The following MSH6 variants were observed in gnomAD, a reference collection of about 807,000 sequenced individuals.
MSH6 encodes mutS homolog 6.
MSH6 carries 85 observed loss-of-function variants against 119.1 expected under a neutral mutation model. The ratio of observed to expected loss-of-function variants is 0.71; its 90% CI spans 0.60 to 0.85. The LOEUF is 0.85. MSH6 is among the 40% of genes least tolerant of loss of function. MSH6 has a pLI of 0.00. For synonymous variants in MSH6, 830 were observed against 586.9 expected (o/e 1.41, Z -5.99); for missense variants, 2,163 against 1,655.3 (o/e 1.31, Z -5.32).
At chr2:47,808,275 G>T, downstream of MSH6, 1 of 1,612,562 alleles carries the variant, frequency 6.2e-7, no homozygotes, top group Non-Finnish European at 8.5e-7. Flanking sequence ...CCAAATATTA[G>T]AAAAGTGAGG....
At chr2:47,788,729 C>T (rs1668509010) in intron 1 of MSH6, among the ~76,000 whole-genome samples, 1 of 148,440 alleles carries the variant, frequency 6.7e-6, no homozygotes, top group African/African-American at 2.5e-5. Flanking sequence ...GCCACCATGC[C>T]CAGCTAATTT....
At chr2:47,805,748 A>AAAAC (rs772260043) in intron 7 of MSH6, 41 bp downstream of exon 7, 1 of 1,333,122 alleles carries the variant, frequency 7.5e-7, no homozygotes, top group Admixed American at 1.7e-5. Flanking sequence ...ATCTATCTTA[A>AAAAC]AAACATTTGT....
In MSH6 at chr2:47,806,850, A is replaced by G. The variant is rs1553334111; in HGVS notation, c.4073A>G (p.Lys1358Arg). 1 of 1,611,078 alleles carries G rather than the reference A, an allele frequency of 6.2e-7. No homozygotes were observed. The part of the protein sequence containing the change: ...EAVHKLLTLI[K>R]EL ...GTCCATAAATTGCTGACTTTGATTA[A>G]GGAATTATAGACTGACTACATTGGA... Residue 1358 changes from lysine (K) to arginine (R), a missense_variant, in exon 10 of 10, where the codon AAG becomes AGG. Physicochemically the swap from Lys to Arg is conservative, Grantham distance 26 (BLOSUM62 2). Coordinates refer to ENST00000234420, the MANE Select transcript of MSH6 (RefSeq NM_000179.3).
intron 1 of MSH6, 103 bp from the exon 2 acceptor site, chr2:47,790,824 A>C: frequency 9.7e-7 from 1 of 1,030,084 alleles, no homozygotes. Flanking sequence ...TCTGTGCTTC[A>C]ATATTAATGC....
downstream of MSH6, chr2:47,809,928 G>C (rs1391932019): frequency 3.8e-6 from 2 of 525,332 alleles, no homozygotes; most frequent in African/African-American, 3.9e-5. Context: ...CAACCTAACT[G>C]TCTTAAAGTT....
chr2:47,808,412 G>A, downstream of MSH6: 1 of 1,595,420 alleles, frequency 6.3e-7, no homozygotes, highest in East Asian at 2.2e-5. Flanking sequence ...GATCTGTGGT[G>A]TTACAAGTAT....
At chr2:47,804,321 A>G (rs1669813842) in intron 5 of MSH6, among the ~76,000 whole-genome samples, 1 of 152,162 alleles carries the variant, frequency 6.6e-6, no homozygotes, top group Admixed American at 6.5e-5. Flanking sequence ...TCTTCTCTTT[A>G]TAACCAGGGG....
intron 3 of MSH6, among the ~76,000 whole-genome samples, chr2:47,796,981 A>G (rs139004894): frequency 6.6e-6 from 1 of 152,234 alleles, no homozygotes; most frequent in African/African-American, 2.4e-5. Context: ...ACTGTCAACA[A>G]CAACAAAAAA....
intron 2 of MSH6, among the ~76,000 whole-genome samples, chr2:47,794,888 G>A (rs3136307): frequency 2.4e-4 from 36 of 151,804 alleles, no homozygotes; most frequent in African/African-American, 7.7e-4. Context: ...TCTGCCTCCC[G>A]GGTTCAAGTG....
In MSH6 at chr2:47,799,046, G is replaced by A. The variant is rs587778531; in HGVS notation, c.1063G>A (p.Gly355Ser). 4.7e-5 allele frequency: 76 copies of A among 1,614,080 alleles called. No homozygotes were observed. The East Asian group carries it at 1.1e-3, about 23-fold the overall frequency. The part of the protein sequence containing the change: ...NSESQAHVSG[G>S]GDDSSRPTVW... ...TGAATCCCAAGCCCACGTTAGTGGA[G>A]GTGGTGATGACAGTAGTCGCCCTAC... Residue 355 changes from glycine (G) to serine (S), a missense_variant, in exon 4 of 10, where the codon GGT becomes AGT. Transcript: ENST00000234420.
rs377411318 is a variant in MSH6 at position 47,800,426 on chromosome 2, C to A, written c.2443C>A (p.Leu815Ile). The part of the protein sequence containing the change: ...ISEVVELLKK[L>I]PDLERLLSKI... ...CGAAGTTGTAGAGCTTCTAAAGAAGCTTCCAGATCTTGAGAGGCTACTCAG... is the reference window on the plus strand; with the variant it reads ...CGAAGTTGTAGAGCTTCTAAAGAAGATTCCAGATCTTGAGAGGCTACTCAG... Residue 815 changes from leucine (L) to isoleucine (I), a missense_variant, in exon 4 of 10, where the codon CTT becomes ATT. Transcript: ENST00000234420. 4.3e-6 allele frequency: 7 copies of A among 1,614,068 alleles called. No individual in the cohort carries two copies. The highest frequency in any genetic ancestry group is 5.9e-6 in the Non-Finnish European group (7 of 1,180,034).
rs2104583736 is a variant in MSH6, at chr2:47,806,831, A to AAAT, written c.4055_4057dup (p.Lys1352_Leu1353insTer). 2 of 1,612,534 alleles carry AAAT rather than the reference A, an allele frequency of 1.2e-6. No individual in the cohort carries two copies. Among genetic ancestry groups the AAAT allele is most frequent in the Non-Finnish European group, 1.7e-6 (2 of 1,179,308 alleles). The stretch of plus-strand genomic sequence containing the variant: ...AACTGTAGATGCTGAAGCTGTCCAT[A>AAAT]AATTGCTGACTTTGATTAAGGAATT... On this transcript the variant is annotated stop_gained and inframe_insertion, in exon 10 of 10. Transcript: ENST00000234420. LOFTEE classifies it high-confidence loss of function.
chr2:47,809,586 A>T, downstream of MSH6: 1 of 1,565,920 alleles, frequency 6.4e-7, no homozygotes, highest in Non-Finnish European at 8.8e-7. Flanking sequence ...TAGGTATAGC[A>T]GACTCCAACA....
Position 47,800,738 on chromosome 2 carries a change from GA to G in MSH6, c.2759del (p.Lys920ArgfsTer25), listed in dbSNP as rs1114167794. On this transcript the variant is annotated frameshift_variant, in exon 4 of 10. Coordinates refer to ENST00000234420, the MANE Select transcript of MSH6 (RefSeq NM_000179.3). LOFTEE classifies it high-confidence loss of function. ...LNRWDTAFDHEKARKTGLITP... is the reference protein window; with the variant it reads ...LNRWDTAFDHXKARKTGLITP... ...CCGATGGGATACAGCCTTTGACCAT[GA>G]AAAGGCTCGAAAGACTGGACTTATT... 2.5e-6 allele frequency: 4 copies of G among 1,614,150 alleles called. No individual in the cohort carries two copies. In the South Asian group the frequency reaches 3.3e-5, roughly 13 times the overall value.
chr2:47,808,458 C>G (rs1411928396), downstream of MSH6: 3 of 1,534,950 alleles, frequency 2.0e-6, no homozygotes, highest in Non-Finnish European at 2.6e-6. Flanking sequence ...TTACTTTTCT[C>G]AAACATGTCA....
rs1460598011 is a variant in MSH6 at position 47,799,998 on chromosome 2, C to T, written c.2015C>T (p.Thr672Ile). Reference protein sequence around the residue: ...MTSESDSIGLTPGEKSELALS... With the variant: ...MTSESDSIGLIPGEKSELALS... ...TCAGAGTCTGATTCCATTGGGTTGA[C>T]ACCAGGAGAGAAAAGTGAATTGGCC... is the stretch of plus-strand genomic sequence containing the variant. The change falls in exon 4 of 10, where the codon ACA becomes ATA. Residue 672 changes from threonine to isoleucine, a missense_variant. Transcript: ENST00000234420. 6.8e-6 allele frequency: 11 copies of T among 1,614,014 alleles called. No individual in the cohort carries two copies. Among genetic ancestry groups the T allele is most frequent in the South Asian group, 1.1e-5 (1 of 91,064 alleles).
rs1057521349 is a variant in MSH6 at position 47,800,956 on chromosome 2, A to G, written c.2973A>G (p.Pro991=). ...IPENFTTRNL[P]EEYELKSTKK... ...AGAATTTCACCACTCGCAATTTGCC[A>G]GAAGAATACGAGTTGAAATCTACCA... The change falls in exon 4 of 10, where the codon CCA becomes CCG. Residue 991 remains proline (P), a synonymous_variant. Coordinates refer to ENST00000234420, the MANE Select transcript of MSH6 (RefSeq NM_000179.3). 5.7e-6 allele frequency: 9 copies of G among 1,567,208 alleles called. No individual in the cohort carries two copies. Among genetic ancestry groups the G allele is most frequent in the African/African-American group, 2.7e-5 (2 of 73,096 alleles).
Position 47,805,828 on chromosome 2 carries a change from A to G in MSH6, c.3646+121A>G, listed in dbSNP as rs1184692785. The G allele has an allele frequency of 3.6e-6, 3 of 832,862 alleles. No homozygotes were observed. The East Asian group carries it at 7.6e-5, about 21-fold the overall frequency. 51.6% of individuals were successfully genotyped at this position (832,862 alleles called of 1,614,324 possible). On this transcript the variant is annotated intron_variant, in intron 7 of 9. Transcript: ENST00000234420. ...CAATATGAATGTTTTTAGAGCACGCACTCACCATTGTGGCACAGACCGATA... is the reference window on the plus strand; with the variant it reads ...CAATATGAATGTTTTTAGAGCACGCGCTCACCATTGTGGCACAGACCGATA...
In MSH6 at chr2:47,799,159, T is replaced by C. The variant is rs587779912; in HGVS notation, c.1176T>C (p.Asp392=). 24 of 1,613,380 alleles carry C rather than the reference T, an allele frequency of 1.5e-5. No individual in the cohort carries two copies. The highest frequency in any genetic ancestry group is 1.9e-5 in the Non-Finnish European group (23 of 1,179,844). ...HRRRPDHPDF[D]ASTLYVPEDF... The stretch of plus-strand genomic sequence containing the variant: ...GGAGGCCTGATCACCCCGATTTTGA[T>C]GCATCTACACTCTATGTGCCTGAGG... The change falls in exon 4 of 10, where the codon GAT becomes GAC. Residue 392 remains aspartate (D), a synonymous_variant. Transcript: ENST00000234420.
Sources: gnomAD v4.1 joint callset for allele counts (sites outside exome capture counted in the v4.1 genomes callset) on GRCh38, gnomAD v4.1.1 for gene constraint, MANE v1.5 for transcripts, NCBI Gene and HGNC (gene_info 2026-07-23, HGNC 2026-07-21) for gene names.